MTIF3: variants seen among roughly 807,000 people sequenced by gnomAD.
The protein encoded by MTIF3 is translation initiation factor IF-3, mitochondrial.
A neutral mutation model predicts 20.7 loss-of-function variants in MTIF3; 13 were observed. The ratio of observed to expected loss-of-function variants is 0.63; its 90% CI spans 0.41 to 1.00. MTIF3 has a LOEUF of 1.00. Among genes scored for constraint, MTIF3 ranks in the 50% least tolerant of loss-of-function variants. MTIF3 has a pLI of 0.00. For missense variants in MTIF3, 295 were observed against 324.5 expected (o/e 0.91, Z 0.70); for synonymous variants, 114 against 112.5 (o/e 1.01, Z -0.08).
intron 1 of MTIF3, among the ~76,000 whole-genome samples, chr13:27,448,549 T>C (rs893909174): frequency 6.6e-6 from 1 of 152,196 alleles, no homozygotes; most frequent in African/African-American, 2.4e-5. Context: ...TGCTCTTCCA[T>C]AGGGAGCACA....
At chr13:27,437,803 G>A (rs984881100) in intron 3 of MTIF3, among the ~76,000 whole-genome samples, 1 of 152,094 alleles carries the variant, frequency 6.6e-6, no homozygotes, top group Non-Finnish European at 1.5e-5. Flanking sequence ...GTTTATAGAT[G>A]ACAAAAAGTT....
At chr13:27,440,562 T>A in intron 2 of MTIF3, 113 bp from the exon 3 acceptor site, 1 of 776,716 alleles carries the variant, frequency 1.3e-6, no homozygotes, top group Non-Finnish European at 2.0e-6. Flanking sequence ...ACTGCAAGTG[T>A]GAGGGAAATG....
chr13:27,435,650 C>CA lies in MTIF3; in HGVS notation c.*24dup, dbSNP rs1428374772. On this transcript the variant is annotated 3_prime_UTR_variant, in exon 5 of 5. Transcript: ENST00000381120. Reference sequence around the variant, plus strand: ...GCAGACCAAGGAGCGAGCTTTCTCTCAGAGCATGCTTTTCTTTATTAAAAT... The same window carrying CA: ...GCAGACCAAGGAGCGAGCTTTCTCTCAAGAGCATGCTTTTCTTTATTAAAAT... 2.5e-6 allele frequency: 4 copies of CA among 1,611,962 alleles called. No homozygotes were observed. The highest frequency in any genetic ancestry group is 3.4e-6 in the Non-Finnish European group (4 of 1,178,298).
chr13:27,440,406 T>G lies in MTIF3; in HGVS notation c.43A>C (p.Lys15Gln), dbSNP rs1278626919. 1.2e-6 allele frequency: 2 copies of G among 1,613,816 alleles called. No homozygotes were observed. The highest frequency in any genetic ancestry group is 1.7e-6 in the Non-Finnish European group (2 of 1,179,840). The change falls in exon 3 of 5, where the codon AAG becomes CAG. Residue 15 changes from lysine (K) to glutamine (Q), a missense_variant. Coordinates refer to ENST00000381120, the MANE Select transcript of MTIF3 (RefSeq NM_152912.5). Reference sequence around the variant, plus strand: ...CATCTAATGCAACTATTTTCAGACTTTACAGTTTGTAGTGTTAACCTCTTT... The same window carrying G: ...CATCTAATGCAACTATTTTCAGACTGTACAGTTTGTAGTGTTAACCTCTTT... Reference protein sequence around the residue: ...FLKRLTLQTVKSENSCIRCFG... With the variant: ...FLKRLTLQTVQSENSCIRCFG...
At chr13:27,442,581 C>A (rs924141046) in intron 2 of MTIF3, among the ~76,000 whole-genome samples, 3 of 152,210 alleles carry the variant, frequency 2.0e-5, no homozygotes, top group Admixed American at 2.0e-4. Flanking sequence ...GCCGACCGTA[C>A]TTCTTCTGGC....
chr13:27,440,662 A>G (rs896733448), intron 2 of MTIF3, among the ~76,000 whole-genome samples: 7 of 152,078 alleles, frequency 4.6e-5, no homozygotes, highest in African/African-American at 1.7e-4. Flanking sequence ...ACTCATGGTG[A>G]TACTGTCCCC....
intron 1 of MTIF3, among the ~76,000 whole-genome samples, chr13:27,447,306 A>C (rs1954213342): frequency 1.3e-5 from 2 of 152,050 alleles, no homozygotes. Flanking sequence ...CTAACCTTTC[A>C]AAGTTGAATA....
At chr13:27,449,065 T>A (rs576681292) in intron 1 of MTIF3, among the ~76,000 whole-genome samples, 2 of 152,136 alleles carry the variant, frequency 1.3e-5, no homozygotes, top group African/African-American at 4.8e-5. Context: ...AATTTTTTTT[T>A]AACTTATTCT....
In MTIF3 at chr13:27,435,893, C is replaced by T. The variant is rs567392549; in HGVS notation, c.619G>A (p.Glu207Lys). 2.4e-4 allele frequency: 382 copies of T among 1,605,674 alleles called. 5 individuals are homozygous for T. The South Asian group carries it at 4.1e-3, about 17-fold the overall frequency. The part of the protein sequence containing the change: ...KNVDVSENEM[E>K]EIFHQILQTM... ...TGGAGTATTTGATGAAATATCTCCT[C>T]CTAAAAAAGGGAAACAGCCAAAGAT... The change falls in exon 5 of 5, where the codon GAG (glutamate) becomes AAG (lysine). Residue 207 changes from glutamate to lysine, a missense_variant and splice_region_variant. Glu to Lys is a moderately conservative substitution (Grantham distance 56). Transcript: ENST00000381120.
chr13:27,447,426 GTTC>G (rs1369864406), intron 1 of MTIF3, among the ~76,000 whole-genome samples: 5 of 152,000 alleles, frequency 3.3e-5, no homozygotes, highest in African/African-American at 1.2e-4. Context: ...AAACGCTTAC[GTTC>G]TTATGATAAT....
chr13:27,448,466 G>A (rs1320803892), intron 1 of MTIF3, among the ~76,000 whole-genome samples: 4 of 152,190 alleles, frequency 2.6e-5, no homozygotes, highest in African/African-American at 9.7e-5. Context: ...GGCCTGAGCA[G>A]TGCAGCCTTA....
intron 1 of MTIF3, among the ~76,000 whole-genome samples, chr13:27,447,151 A>G (rs1284226273): frequency 7.2e-6 from 1 of 138,092 alleles, no homozygotes; most frequent in Non-Finnish European, 1.5e-5. Context: ...TTTTCAAAAC[A>G]CAGATGTTTC....
chr13:27,447,659 AG>A (rs1954224868), intron 1 of MTIF3, among the ~76,000 whole-genome samples: 1 of 152,242 alleles, frequency 6.6e-6, no homozygotes, highest in South Asian at 2.1e-4. Context: ...CCATTATCCC[AG>A]GAAGTTCCCT....
At chr13:27,443,009 G>A (rs777288577) in intron 2 of MTIF3, among the ~76,000 whole-genome samples, 4 of 152,222 alleles carry the variant, frequency 2.6e-5, no homozygotes, top group African/African-American at 7.2e-5. Flanking sequence ...TGCACGGGCC[G>A]AAGGAAACAG....
intron 3 of MTIF3, among the ~76,000 whole-genome samples, chr13:27,438,936 G>A (rs1409292819): frequency 6.6e-6 from 1 of 152,112 alleles, no homozygotes; most frequent in Non-Finnish European, 1.5e-5. Context: ...TTTTCTGAAG[G>A]CACACAACCT....
At chr13:27,450,115 T>G (rs1466987174) in intron 1 of MTIF3, 9 of 152,260 alleles carry the variant, frequency 5.9e-5, no homozygotes, top group Admixed American at 5.9e-4. Flanking sequence ...CCGACCCGGT[T>G]GTTGGTAAGT....
In MTIF3 at chr13:27,435,904, G is replaced by A. The variant is rs751175666; in HGVS notation, c.619-11C>T. 9 of 1,594,384 alleles carry A rather than the reference G, an allele frequency of 5.6e-6. 1 individual carries two copies. The South Asian group carries it at 1.0e-4, about 18-fold the overall frequency. Reference sequence around the variant, plus strand: ...ATGAAATATCTCCTCCTAAAAAAGGGAAACAGCCAAAGATTAATTTAAAAT... The same window carrying A: ...ATGAAATATCTCCTCCTAAAAAAGGAAAACAGCCAAAGATTAATTTAAAAT... On this transcript the variant is annotated splice_polypyrimidine_tract_variant and intron_variant, in intron 4 of 4. Coordinates refer to ENST00000381120, the MANE Select transcript of MTIF3 (RefSeq NM_152912.5).
In MTIF3 at chr13:27,440,451, T is replaced by C. The variant is rs754494237; in HGVS notation, c.-1-2A>G. 11 of 1,586,384 alleles carry C rather than the reference T, an allele frequency of 6.9e-6. No homozygotes were observed. Among genetic ancestry groups the C allele is most frequent in the Non-Finnish European group, 9.4e-6 (11 of 1,164,850 alleles). ...CTCTTTAGAAAAAGAGCAGCCATCCTAAGAAAGTAGTAAGAAGAGTTCATT... is the reference window on the plus strand; with the variant it reads ...CTCTTTAGAAAAAGAGCAGCCATCCCAAGAAAGTAGTAAGAAGAGTTCATT... On this transcript the variant is annotated splice_acceptor_variant, in intron 2 of 4. Coordinates refer to ENST00000381120, the MANE Select transcript of MTIF3 (RefSeq NM_152912.5). LOFTEE classifies it low-confidence loss of function (5UTR_SPLICE).
chr13:27,438,364 C>T (rs1287421704), intron 3 of MTIF3, among the ~76,000 whole-genome samples: 3 of 149,010 alleles, frequency 2.0e-5, no homozygotes, highest in African/African-American at 7.4e-5. Flanking sequence ...GTGGTGTGCA[C>T]CTGTGGTCCC....
Sources: allele counts gnomAD v4.1 joint callset (sites outside exome capture counted in the v4.1 genomes callset), GRCh38; gene constraint gnomAD v4.1.1; transcripts MANE v1.5; gene names NCBI Gene and HGNC (gene_info 2026-07-23, HGNC 2026-07-21).